The following CCDC69 variants were observed in gnomAD, a reference collection of about 807,000 sequenced individuals.
CCDC69 encodes coiled-coil domain containing 69.
Under a neutral mutation model 40.3 loss-of-function variants are expected in CCDC69, and 38 were observed. The ratio of observed to expected loss-of-function variants is 0.94; its 90% confidence interval spans 0.73 to 1.24. The LOEUF (loss-of-function observed/expected upper bound fraction) is 1.24, where lower values mean the gene tolerates loss of function less well. Among genes scored for constraint, CCDC69 ranks in the 50% most tolerant of loss-of-function variants. The pLI is 0.00. For missense variants in CCDC69, 389 were observed against 357.9 expected, an observed-to-expected ratio of 1.09 and a Z score of -0.70; for synonymous variants, 141 against 138.9, an observed-to-expected ratio of 1.02 and a Z score of -0.11.
At chr5:151,221,675 G>C (rs988190071) in intron 1 of CCDC69, among the ~76,000 whole-genome samples, 1 of 152,274 alleles carries the variant, frequency 6.6e-6, no homozygotes, top group South Asian at 2.1e-4. Context: ...AAGTGGGAAA[G>C]ATTCTGCAGC....
At position 151,214,662 on chromosome 5, in the gene CCDC69, C is replaced by A. The variant is rs571931880; in HGVS notation, c.49-9187G>T. ...TACAACCAACTTAAAGTTAGAAGTG[C>A]CAGGCTGCACCACTCCGCTGCACCG... On this transcript the variant is annotated intron_variant, in intron 1 of 8. Transcript: ENST00000355417. Among the ~76,000 whole-genome samples the A allele has an allele frequency of 4.6e-5, 7 of 152,310 alleles. No individual in the cohort carries two copies. The South Asian group carries it at 6.2e-4, about 14-fold the overall frequency.
chr5:151,222,663 C>T (rs1378813627), intron 1 of CCDC69, among the ~76,000 whole-genome samples: 1 of 152,230 alleles, frequency 6.6e-6, no homozygotes, highest in South Asian at 2.1e-4. Context: ...AGTTACAAGT[C>T]TCAGCCAAGG....
At chr5:151,188,669 G>A (rs1752562611) in intron 4 of CCDC69, among the ~76,000 whole-genome samples, 2 of 150,714 alleles carry the variant, frequency 1.3e-5, no homozygotes, top group South Asian at 4.2e-4. Context: ...AAATTTATAA[G>A]AATTTATCAA....
chr5:151,220,970 G>T (rs1262022930), intron 1 of CCDC69, among the ~76,000 whole-genome samples: 1 of 152,108 alleles, frequency 6.6e-6, no homozygotes, highest in Non-Finnish European at 1.5e-5. Context: ...CATTAGCCAT[G>T]GTCTTTGCCA....
chr5:151,185,197 A>G (rs759560438), intron 7 of CCDC69: 6 of 465,848 alleles, frequency 1.3e-5, no homozygotes, highest in Non-Finnish European at 2.4e-5. Flanking sequence ...AGCTACAGCA[A>G]CATCAGTAGC....
At chr5:151,223,843 G>A in intron 1 of CCDC69, 80 bp downstream of exon 1, 1 of 1,412,398 alleles carries the variant, frequency 7.1e-7, no homozygotes, top group Non-Finnish European at 9.8e-7. Flanking sequence ...AGAGAGCCCG[G>A]GGCGCCGAGT....
At chr5:151,221,180 T>C (rs1035650119) in intron 1 of CCDC69, among the ~76,000 whole-genome samples, 2 of 152,086 alleles carry the variant, frequency 1.3e-5, no homozygotes, top group African/African-American at 4.8e-5. Context: ...ACCACAGAAC[T>C]CAGCAGACCC....
chr5:151,211,608 C>G (rs1171088502), intron 1 of CCDC69, among the ~76,000 whole-genome samples: 1 of 148,492 alleles, frequency 6.7e-6, no homozygotes, highest in Non-Finnish European at 1.5e-5. Context: ...ATTGCAACCT[C>G]TGCCTCCCAG....
Position 151,184,515 on chromosome 5 carries a change from T to C in CCDC69, c.616-74A>G, listed in dbSNP as rs1752446233. The stretch of plus-strand genomic sequence containing the variant: ...GATGTGTGCTGTCACCTCCCTCTTA[T>C]CTGTGGTCACTGAAAGCACTGATTC... On this transcript the variant is annotated intron_variant, in intron 7 of 8. Transcript: ENST00000355417. 5.1e-5 allele frequency: 46 copies of C among 908,854 alleles called. 1 individual carries two copies. In the South Asian group the frequency reaches 5.4e-4, roughly 11 times the overall value. The allele number at this position is 908,854 out of a possible 1,614,324, so 56.3% of individuals were successfully genotyped here.
chr5:151,210,636 G>A (rs1220535127), intron 1 of CCDC69: 1 of 152,210 alleles, frequency 6.6e-6, no homozygotes, highest in Non-Finnish European at 1.5e-5. Context: ...AATATTGGAA[G>A]GTTCGACCAA....
rs538272458 is a variant in CCDC69 at position 151,187,522 on chromosome 5, C to G, written c.320-63G>C. The G allele has an allele frequency of 2.9e-6, 4 of 1,395,520 alleles. No individual in the cohort carries two copies. In the East Asian group the frequency reaches 9.1e-5, roughly 32 times the overall value. The allele number at this position is 1,395,520 out of a possible 1,614,324, so 86.4% of individuals were successfully genotyped here. A position where few individuals can be genotyped will look rare whatever the true frequency, so the allele number is the denominator to read the frequency against. On this transcript the variant is annotated intron_variant, in intron 4 of 8. Transcript: ENST00000355417. ...TCTCCCCAAAGCCTTCTGCAGGCCCCTTGGTGGCCAGGAAGGTCCAGATAT... is the reference window on the plus strand; with the variant it reads ...TCTCCCCAAAGCCTTCTGCAGGCCCGTTGGTGGCCAGGAAGGTCCAGATAT...
At chr5:151,210,940 C>T (rs180966592) in intron 1 of CCDC69, 6 of 152,286 alleles carry the variant, frequency 3.9e-5, no homozygotes, top group African/African-American at 1.2e-4. Context: ...TGCACTCCAC[C>T]CTGGGTGACA....
intron 4 of CCDC69, among the ~76,000 whole-genome samples, chr5:151,191,928 T>C (rs891752317): frequency 2.0e-5 from 3 of 150,954 alleles, no homozygotes; most frequent in Non-Finnish European, 4.4e-5. Flanking sequence ...GTTAAAAATT[T>C]AAAAATTAGC....
chr5:151,185,937 T>C, intron 6 of CCDC69, 86 bp downstream of exon 6: 2 of 893,060 alleles, frequency 2.2e-6, no homozygotes, highest in Non-Finnish European at 3.8e-6. Context: ...GTCTTGTCCT[T>C]GAAGAGGGGC....
In CCDC69 at chr5:151,182,774, C is replaced by G. The variant is rs1450685865; in HGVS notation, c.*663G>C. ...TGTCCCTTGGTGGACACGACTCTGG[C>G]CCAGGAATGATGCCTCAGCTGGGGA... On this transcript the variant is annotated 3_prime_UTR_variant, in exon 9 of 9. Transcript: ENST00000355417. The G allele has an allele frequency of 1.2e-5, 4 of 335,336 alleles. No homozygotes were observed. In the Admixed American group the frequency reaches 1.6e-4, roughly 13 times the overall value. The allele number at this position is 335,336 out of a possible 1,614,324, so 20.8% of individuals were successfully genotyped here. A position where few individuals can be genotyped will look rare whatever the true frequency, so the allele number is the denominator to read the frequency against.
chr5:151,183,286 A>C lies in CCDC69; in HGVS notation c.*151T>G. 1 of 892,588 alleles carries C rather than the reference A, an allele frequency of 1.1e-6. No homozygotes were observed. Among genetic ancestry groups the C allele is most frequent in the Non-Finnish European group, 1.8e-6 (1 of 547,590 alleles). 55.3% of individuals were successfully genotyped at this position (892,588 alleles called of 1,614,324 possible). A position where few individuals can be genotyped will look rare whatever the true frequency, so the allele number is the denominator to read the frequency against. On this transcript the variant is annotated 3_prime_UTR_variant, in exon 9 of 9. Coordinates refer to ENST00000355417, the MANE Select transcript of CCDC69 (RefSeq NM_015621.3). ...GTGATTCCATGTAACTCAAGGCCCC[A>C]GGGCTCACTGGGCACACACCCAGGA... is the stretch of plus-strand genomic sequence containing the variant.
chr5:151,190,665 CAAA>C (rs35015191), intron 4 of CCDC69, among the ~76,000 whole-genome samples: 34,301 of 93,974 alleles, frequency 0.37, 4,239 homozygotes, highest in Admixed American at 0.46. Flanking sequence ...GACTCTGTCT[CAAA>C]AAAAAAAAAA....
intron 2 of CCDC69, among the ~76,000 whole-genome samples, chr5:151,202,818 G>A (rs934312260): frequency 6.6e-6 from 1 of 152,206 alleles, no homozygotes; most frequent in East Asian, 1.9e-4. Context: ...TAAGGCAGTG[G>A]CCATCCTCTC....
chr5:151,184,207 A>C (rs973349411), intron 8 of CCDC69, 137 bp downstream of exon 8: 1 of 655,966 alleles, frequency 1.5e-6, no homozygotes, highest in Admixed American at 2.8e-5. Flanking sequence ...ACTCCCAGGG[A>C]AAGAGGAGCC....
Sources: allele counts gnomAD v4.1 joint callset (sites outside exome capture counted in the v4.1 genomes callset), GRCh38; gene constraint gnomAD v4.1.1; transcripts MANE v1.5; gene names NCBI Gene and HGNC (gene_info 2026-07-23, HGNC 2026-07-21).